PLA2G4A: variants seen among roughly 807,000 people sequenced by gnomAD.
PLA2G4A encodes the protein cytosolic phospholipase A2.
PLA2G4A carries 40 observed loss-of-function variants against 81.9 expected under a neutral mutation model. The ratio of observed to expected loss-of-function variants is 0.49; its 90% CI spans 0.38 to 0.64. The LOEUF (loss-of-function observed/expected upper bound fraction) is 0.64, where lower values mean the gene tolerates loss of function less well. Ranked by LOEUF, PLA2G4A falls within the 30% of genes least tolerant of loss-of-function variation. PLA2G4A has a pLI of 0.00. For synonymous variants in PLA2G4A, 302 were observed against 296.9 expected, an observed-to-expected ratio of 1.02 and a Z score of -0.18; for missense variants, 715 against 905.1, an observed-to-expected ratio of 0.79 and a Z score of 2.69.
At chr1:186,985,072 C>T (rs186084293) in intron 17 of PLA2G4A, among the ~76,000 whole-genome samples, 4 of 152,222 alleles carry the variant, frequency 2.6e-5, no homozygotes, top group Admixed American at 2.6e-4. Context: ...CTTAGTGTTC[C>T]CCAAACACAG....
intron 5 of PLA2G4A, among the ~76,000 whole-genome samples, chr1:186,902,549 G>C (rs999253103): frequency 6.6e-6 from 1 of 151,926 alleles, no homozygotes; most frequent in Non-Finnish European, 1.5e-5. Context: ...ATTTTGTTTT[G>C]TTTTTCTTAT....
chr1:186,921,927 C>G (rs1412103788), intron 7 of PLA2G4A, among the ~76,000 whole-genome samples: 1 of 152,086 alleles, frequency 6.6e-6, no homozygotes, highest in African/African-American at 2.4e-5. Flanking sequence ...TACAGGTTAC[C>G]CTGTGCCATA....
intron 8 of PLA2G4A, among the ~76,000 whole-genome samples, chr1:186,937,017 GATACTTTT>G (rs1435099484): frequency 5.1e-5 from 5 of 98,166 alleles, no homozygotes; most frequent in African/African-American, 3.3e-4. Context: ...AAACTGGGGT[GATACTTTT>G]ATGTTTTTTT....
chr1:186,858,641 G>T (rs1010293250), intron 2 of PLA2G4A, among the ~76,000 whole-genome samples: 8 of 151,922 alleles, frequency 5.3e-5, no homozygotes, highest in African/African-American at 1.7e-4. Context: ...TTCAGCACTG[G>T]GACCTTTTCT....
intron 15 of PLA2G4A, among the ~76,000 whole-genome samples, chr1:186,976,423 T>C (rs1264935103): frequency 1.3e-5 from 2 of 152,210 alleles, no homozygotes; most frequent in African/African-American, 4.8e-5. Flanking sequence ...TACTGGCATT[T>C]ATTTATTAAA....
chr1:186,849,910 T>C (rs1157388425), intron 1 of PLA2G4A, among the ~76,000 whole-genome samples: 1 of 152,070 alleles, frequency 6.6e-6, no homozygotes, highest in African/African-American at 2.4e-5. Flanking sequence ...ACTAAATGAA[T>C]GAATAGAAGA....
intron 17 of PLA2G4A, among the ~76,000 whole-genome samples, chr1:186,981,766 A>G (rs1657725985): frequency 1.3e-5 from 2 of 152,196 alleles, no homozygotes; most frequent in South Asian, 2.1e-4. Context: ...TCAGGTTTTT[A>G]TAAGAAGATT....
chr1:186,855,351 G>C (rs1652512564), intron 2 of PLA2G4A, among the ~76,000 whole-genome samples: 2 of 151,824 alleles, frequency 1.3e-5, no homozygotes, highest in African/African-American at 4.8e-5. Context: ...TTTCCTTGCT[G>C]TTGGTTACTT....
chr1:186,987,188 G>A (rs886546792), intron 17 of PLA2G4A, among the ~76,000 whole-genome samples: 1 of 152,188 alleles, frequency 6.6e-6, no homozygotes, highest in Non-Finnish European at 1.5e-5. Flanking sequence ...TTTAAGTGGT[G>A]CAAACATGAT....
intron 3 of PLA2G4A, among the ~76,000 whole-genome samples, chr1:186,876,326 T>A (rs1653496434): frequency 6.6e-6 from 1 of 152,130 alleles, no homozygotes; most frequent in Admixed American, 6.6e-5. Flanking sequence ...TGAAGTCCTG[T>A]GGAAAAATTT....
At chr1:186,966,736 T>C (rs956214318) in intron 15 of PLA2G4A, among the ~76,000 whole-genome samples, 2 of 152,166 alleles carry the variant, frequency 1.3e-5, no homozygotes, top group African/African-American at 4.8e-5. Flanking sequence ...AGCTCAAGTG[T>C]TATCTTTCTT....
At chr1:186,977,045 T>C (rs1657559534) in intron 15 of PLA2G4A, among the ~76,000 whole-genome samples, 1 of 152,238 alleles carries the variant, frequency 6.6e-6, no homozygotes, top group Non-Finnish European at 1.5e-5. Context: ...CCGTTACATG[T>C]AATAGCAATG....
At chr1:186,862,308 G>A (rs570416701) in intron 2 of PLA2G4A, among the ~76,000 whole-genome samples, 21 of 149,654 alleles carry the variant, frequency 1.4e-4, no homozygotes, top group Admixed American at 6.1e-4. Flanking sequence ...TCTGCCTCCC[G>A]GGTTCAAGCG....
intron 3 of PLA2G4A, among the ~76,000 whole-genome samples, chr1:186,879,857 T>A (rs1296794292): frequency 6.6e-6 from 1 of 151,280 alleles, no homozygotes; most frequent in Non-Finnish European, 1.5e-5. Flanking sequence ...TTTTTTATTA[T>A]ATTTTAAGTT....
Position 186,911,233 on chromosome 1 carries a change from T to G in PLA2G4A, c.417-15T>G, listed in dbSNP as rs1654928962. ...GGGAGCACTGGCTCATGACTTTATC[T>G]GTTTGGTATTACAGCTCATGCCCAG... On this transcript the variant is annotated splice_polypyrimidine_tract_variant and intron_variant, in intron 6 of 17. Transcript: ENST00000367466. 1 of 1,612,012 alleles carries G rather than the reference T, an allele frequency of 6.2e-7. No individual in the cohort carries two copies. The highest frequency in any genetic ancestry group is 1.3e-5 in the African/African-American group (1 of 74,862).
intron 7 of PLA2G4A, among the ~76,000 whole-genome samples, chr1:186,926,331 A>C (rs941167340): frequency 6.6e-6 from 1 of 152,186 alleles, no homozygotes; most frequent in African/African-American, 2.4e-5. Context: ...GCTATCCTTC[A>C]AAAAAATATT....
chr1:186,862,671 A>G, intron 2 of PLA2G4A, among the ~76,000 whole-genome samples: 1 of 152,170 alleles, frequency 6.6e-6, no homozygotes, highest in Admixed American at 6.5e-5. Flanking sequence ...ACATTTGAAA[A>G]CCATCTGTGC....
At chr1:186,855,843 T>C (rs541865008) in intron 2 of PLA2G4A, among the ~76,000 whole-genome samples, 2 of 152,226 alleles carry the variant, frequency 1.3e-5, no homozygotes, top group South Asian at 4.1e-4. Flanking sequence ...CTTTTCCGTT[T>C]TATTAGTCAG....
chr1:186,831,601 C>T (rs139842768), intron 1 of PLA2G4A, among the ~76,000 whole-genome samples: 401 of 152,088 alleles, frequency 2.6e-3, no homozygotes, highest in African/African-American at 9.1e-3. Flanking sequence ...AATGACATTT[C>T]CCAGAATGAT....
Sources: gnomAD v4.1 joint callset for allele counts (sites outside exome capture counted in the v4.1 genomes callset) on GRCh38, gnomAD v4.1.1 for gene constraint, MANE v1.5 for transcripts, NCBI Gene and HGNC (gene_info 2026-07-23, HGNC 2026-07-21) for gene names.